WDR7: variants seen among roughly 807,000 people sequenced by gnomAD.
WDR7 encodes the protein WD repeat domain 7.
In WDR7, 46 loss-of-function variants were observed where a neutral mutation model predicts 169.4. The observed-to-expected ratio is 0.27, with a 90% CI of 0.21 to 0.35. WDR7 has a LOEUF of 0.35. Among genes scored for constraint, WDR7 ranks in the 10% least tolerant of loss-of-function variants. WDR7 has a pLI of 1.00. For missense variants in WDR7, 1,534 were observed against 1,859.3 expected, an observed-to-expected ratio of 0.83 and a Z score of 3.22; for synonymous variants, 612 against 666.8, an observed-to-expected ratio of 0.92 and a Z score of 1.27.
chr18:56,803,146 A>G (rs2044707385), intron 19 of WDR7, among the ~76,000 whole-genome samples: 1 of 152,218 alleles, frequency 6.6e-6, no homozygotes, highest in Admixed American at 6.5e-5. Flanking sequence ...TCTTATCTAT[A>G]AAATAACTGA....
chr18:56,702,455 A>G (rs1238522334), intron 12 of WDR7, among the ~76,000 whole-genome samples: 2 of 152,230 alleles, frequency 1.3e-5, no homozygotes, highest in African/African-American at 4.8e-5. Context: ...AACCAGATAG[A>G]TATGATTGAC....
intron 22 of WDR7, among the ~76,000 whole-genome samples, chr18:56,924,898 C>T (rs2046781769): frequency 6.6e-6 from 1 of 152,204 alleles, no homozygotes; most frequent in Admixed American, 6.5e-5. Flanking sequence ...ACAGAAGTCA[C>T]CCTGAATGGA....
At chr18:56,982,329 A>C (rs965598040) in intron 26 of WDR7, among the ~76,000 whole-genome samples, 2 of 152,236 alleles carry the variant, frequency 1.3e-5, no homozygotes, top group South Asian at 4.1e-4. Context: ...TGTTTTGCCA[A>C]GGAGGGAGCA....
intron 19 of WDR7, among the ~76,000 whole-genome samples, chr18:56,804,637 G>T (rs1375677985): frequency 6.6e-6 from 1 of 152,168 alleles, no homozygotes; most frequent in Non-Finnish European, 1.5e-5. Context: ...ATATCACTGT[G>T]GTTGGTGATT....
At chr18:57,001,047 A>AAG (rs10536689) in intron 26 of WDR7, among the ~76,000 whole-genome samples, 108 of 129,486 alleles carry the variant, frequency 8.3e-4, no homozygotes, top group African/African-American at 2.7e-3. Context: ...ATCTCTACAA[A>AAG]AGAGAGAGAG....
intron 26 of WDR7, among the ~76,000 whole-genome samples, chr18:56,990,903 CCGGGTT>C (rs957347347): frequency 2.5e-4 from 38 of 152,276 alleles, no homozygotes; most frequent in African/African-American, 8.9e-4. Flanking sequence ...TTTCCCCATT[CCGGGTT>C]CTCTTCTTTC....
At position 56,932,083 on chromosome 18, in the gene WDR7, G is replaced by A. The variant is rs140127102; in HGVS notation, c.3714-3705G>A. The stretch of plus-strand genomic sequence containing the variant: ...CGGTGAATTGAGTAGACTAGAGGAG[G>A]GACACAAGGTTTCTCCCTATGCCTT... On this transcript the variant is annotated intron_variant, in intron 22 of 27. Coordinates refer to ENST00000254442, the MANE Select transcript of WDR7 (RefSeq NM_015285.3). Among the ~76,000 whole-genome samples the A allele has an allele frequency of 2.0e-4, 30 of 152,050 alleles. No homozygotes were observed. In the East Asian group the frequency reaches 2.5e-3, roughly 13 times the overall value.
intron 20 of WDR7, among the ~76,000 whole-genome samples, chr18:56,857,526 G>A (rs1471267127): frequency 2.6e-5 from 4 of 152,084 alleles, no homozygotes; most frequent in Non-Finnish European, 5.9e-5. Context: ...CAAAGTGCTG[G>A]GATTACAGGT....
chr18:56,670,907 C>A (rs929350111), intron 1 of WDR7, among the ~76,000 whole-genome samples: 1 of 152,206 alleles, frequency 6.6e-6, no homozygotes. Flanking sequence ...AGAGTACTCT[C>A]TTCTATGCAG....
At chr18:56,686,385 C>A (rs189065373) in intron 6 of WDR7, among the ~76,000 whole-genome samples, 319 of 151,992 alleles carry the variant, frequency 2.1e-3, no homozygotes, top group African/African-American at 7.2e-3. Flanking sequence ...ATATACAAAG[C>A]CATTTTTAGT....
chr18:56,754,647 T>C (rs1212264283), intron 14 of WDR7, among the ~76,000 whole-genome samples: 1 of 152,154 alleles, frequency 6.6e-6, no homozygotes, highest in African/African-American at 2.4e-5. Context: ...GAAAAGATGA[T>C]TTATAAATTC....
intron 14 of WDR7, among the ~76,000 whole-genome samples, chr18:56,737,471 C>T (rs1226849113): frequency 2.0e-5 from 3 of 152,092 alleles, no homozygotes; most frequent in Non-Finnish European, 4.4e-5. Context: ...TCAGAATCAC[C>T]TTATTTATAG....
chr18:57,020,101 A>T (rs1378720360), intron 26 of WDR7, among the ~76,000 whole-genome samples: 2 of 152,228 alleles, frequency 1.3e-5, no homozygotes, highest in Non-Finnish European at 2.9e-5. Flanking sequence ...TAAATCAATG[A>T]TAGCTATTTG....
intron 26 of WDR7, among the ~76,000 whole-genome samples, chr18:57,016,641 G>T (rs1318640335): frequency 1.3e-5 from 2 of 152,142 alleles, no homozygotes; most frequent in Non-Finnish European, 2.9e-5. Flanking sequence ...CTCATTTCTG[G>T]TTCCTTCTCT....
intron 16 of WDR7, among the ~76,000 whole-genome samples, chr18:56,774,038 AT>A (rs934437696): frequency 4.6e-5 from 7 of 151,810 alleles, no homozygotes; most frequent in Non-Finnish European, 7.4e-5. Context: ...TAAACATTGC[AT>A]TTTTTTGTAC....
chr18:56,696,143 A>G (rs537624802), intron 11 of WDR7, 99 bp from the exon 12 acceptor site: 17 of 1,008,616 alleles, frequency 1.7e-5, no homozygotes, highest in Non-Finnish European at 2.3e-5. Context: ...TTGCTGTGAT[A>G]TAATTTGTAG....
At chr18:56,930,952 C>T (rs148309699) in intron 22 of WDR7, among the ~76,000 whole-genome samples, 8 of 152,284 alleles carry the variant, frequency 5.3e-5, no homozygotes, top group African/African-American at 1.2e-4. Flanking sequence ...GCTTTCACCA[C>T]GATGGAGTGA....
At chr18:56,777,886 G>A (rs1348219701) in intron 17 of WDR7, among the ~76,000 whole-genome samples, 2 of 152,076 alleles carry the variant, frequency 1.3e-5, no homozygotes, top group Non-Finnish European at 2.9e-5. Flanking sequence ...CCGAATTTTA[G>A]CAAAATTCGA....
intron 19 of WDR7, among the ~76,000 whole-genome samples, chr18:56,792,044 G>T (rs115455785): frequency 9.9e-4 from 150 of 151,998 alleles, no homozygotes; most frequent in African/African-American, 3.4e-3. Context: ...TCAAGATAGG[G>T]CCTCGCTCTG....
Sources: allele counts gnomAD v4.1 joint callset (sites outside exome capture counted in the v4.1 genomes callset), GRCh38; gene constraint gnomAD v4.1.1; transcripts MANE v1.5; gene names NCBI Gene and HGNC (gene_info 2026-07-23, HGNC 2026-07-21).